TMEM131L: variants seen among roughly 807,000 people sequenced by gnomAD.
TMEM131L encodes the protein transmembrane protein 131-like.
A neutral mutation model predicts 192.2 loss-of-function variants in TMEM131L; 54 were observed. That is an observed-to-expected ratio of 0.28 (90% confidence interval 0.23 to 0.35). The LOEUF (loss-of-function observed/expected upper bound fraction) is 0.35, where lower values mean the gene tolerates loss of function less well. Among genes scored for constraint, TMEM131L ranks in the 10% least tolerant of loss-of-function variants. The pLI is 1.00. For missense variants in TMEM131L, 1,888 were observed against 1,972.9 expected, an observed-to-expected ratio of 0.96 and a Z score of 0.82; for synonymous variants, 701 against 704.9, an observed-to-expected ratio of 0.99 and a Z score of 0.09.
At chr4:153,607,856 C>T (rs995013570) in intron 25 of TMEM131L, among the ~76,000 whole-genome samples, 1 of 152,204 alleles carries the variant, frequency 6.6e-6, no homozygotes, top group Non-Finnish European at 1.5e-5. Context: ...ATTTGGGAGG[C>T]CGTGATGGGC....
chr4:153,476,072 C>T (rs1731516618), intron 3 of TMEM131L, among the ~76,000 whole-genome samples: 1 of 152,182 alleles, frequency 6.6e-6, no homozygotes, highest in Admixed American at 6.5e-5. Flanking sequence ...GATTCTCCTG[C>T]CTCAGCTTCC....
At chr4:153,526,947 T>A (rs866803990) in intron 3 of TMEM131L, among the ~76,000 whole-genome samples, 19 of 152,112 alleles carry the variant, frequency 1.2e-4, no homozygotes, top group African/African-American at 4.1e-4. Flanking sequence ...AGAGAGGGCC[T>A]GCATTTATTG....
chr4:153,552,979 G>A (rs1235510116), intron 4 of TMEM131L, among the ~76,000 whole-genome samples: 10 of 150,184 alleles, frequency 6.7e-5, no homozygotes, highest in African/African-American at 7.4e-5. Flanking sequence ...TTCAATCAAG[G>A]TTGGTTGAAT....
chr4:153,499,188 C>T (rs142376168), intron 3 of TMEM131L, among the ~76,000 whole-genome samples: 313 of 152,346 alleles, frequency 2.1e-3, no homozygotes, highest in African/African-American at 7.2e-3. Context: ...CGAGGCTGCG[C>T]CTTGTAACTT....
Position 153,584,886 on chromosome 4 carries a change from A to G in TMEM131L, c.1112A>G (p.His371Arg), listed in dbSNP as rs1730596796. 7 of 1,614,130 alleles carry G rather than the reference A, an allele frequency of 4.3e-6. No homozygotes were observed. The highest frequency in any genetic ancestry group is 1.1e-5 in the South Asian group (1 of 91,084). The change falls in exon 12 of 35, where the codon CAC becomes CGC. Residue 371 changes from histidine to arginine, a missense_variant. His to Arg is a conservative substitution (Grantham distance 29, BLOSUM62 0). Transcript: ENST00000409959. ...ATAGAAGATGTGAAGAAAACAACAC[A>G]CACTCCAACACTAAAAGCATGCCTC... Reference protein sequence around the residue: ...GIIEDVKKTTHTPTLKACLFS... With the variant: ...GIIEDVKKTTRTPTLKACLFS...
At chr4:153,527,581 G>GT (rs1385179090) in intron 3 of TMEM131L, among the ~76,000 whole-genome samples, 1 of 152,154 alleles carries the variant, frequency 6.6e-6, no homozygotes, top group Non-Finnish European at 1.5e-5. Flanking sequence ...CAAATCCTGA[G>GT]TTTCTTCTCG....
chr4:153,496,219 G>A (rs1295529438), intron 3 of TMEM131L, among the ~76,000 whole-genome samples: 1 of 152,180 alleles, frequency 6.6e-6, no homozygotes, highest in Non-Finnish European at 1.5e-5. Context: ...TACTTCACAG[G>A]CTGGTCCTAA....
chr4:153,528,575 CTT>C (rs1295589684), intron 3 of TMEM131L, among the ~76,000 whole-genome samples: 1 of 152,058 alleles, frequency 6.6e-6, no homozygotes, highest in Non-Finnish European at 1.5e-5. Context: ...GAGGAAATTG[CTT>C]TCTCACTTGC....
At chr4:153,615,140 A>G (rs1304040080) in intron 26 of TMEM131L, among the ~76,000 whole-genome samples, 1 of 152,198 alleles carries the variant, frequency 6.6e-6, no homozygotes, top group Non-Finnish European at 1.5e-5. Flanking sequence ...TTAACATTGC[A>G]TTTTTCTCCT....
intron 6 of TMEM131L, among the ~76,000 whole-genome samples, chr4:153,557,619 G>C (rs771716112): frequency 1.6e-4 from 25 of 152,164 alleles, no homozygotes; most frequent in Non-Finnish European, 2.8e-4. Context: ...AATGGTACCT[G>C]ATATGGCATT....
Position 153,581,463 on chromosome 4 carries a change from A to G in TMEM131L, c.795A>G (p.Thr265=). The G allele has an allele frequency of 1.3e-6, 2 of 1,598,596 alleles. No homozygotes were observed. Among genetic ancestry groups the G allele is most frequent in the Non-Finnish European group, 1.7e-6 (2 of 1,170,856 alleles). The change falls in exon 9 of 35, where the codon ACA becomes ACG. Residue 265 remains threonine (T), a synonymous_variant. Coordinates refer to ENST00000409959, the MANE Select transcript of TMEM131L (RefSeq NM_001131007.2). ...VLRLQMSIMV[T]MENFSKEFEE... ...GTCTACAAATGAGCATAATGGTAACAATGGAAAACTTTTCAAAAGAATTTG... is the reference window on the plus strand; with the variant it reads ...GTCTACAAATGAGCATAATGGTAACGATGGAAAACTTTTCAAAAGAATTTG...
intron 2 of TMEM131L, among the ~76,000 whole-genome samples, chr4:153,469,664 C>A (rs555585904): frequency 6.6e-6 from 1 of 152,100 alleles, no homozygotes; most frequent in Non-Finnish European, 1.5e-5. Context: ...TGGTGGCTCA[C>A]GTCTGTAATC....
intron 3 of TMEM131L, among the ~76,000 whole-genome samples, chr4:153,488,697 C>A (rs1038520681): frequency 6.6e-6 from 1 of 152,182 alleles, no homozygotes; most frequent in Non-Finnish European, 1.5e-5. Context: ...GGCTGTCTAA[C>A]GAAGTGCCAC....
At chr4:153,564,330 G>C (rs892396723) in intron 7 of TMEM131L, among the ~76,000 whole-genome samples, 3 of 141,538 alleles carry the variant, frequency 2.1e-5, no homozygotes, top group African/African-American at 7.8e-5. Flanking sequence ...AAGGGAGCTT[G>C]TATGCCCCTT....
At chr4:153,486,878 G>T (rs1732374545) in intron 3 of TMEM131L, among the ~76,000 whole-genome samples, 1 of 152,236 alleles carries the variant, frequency 6.6e-6, no homozygotes, top group Non-Finnish European at 1.5e-5. Context: ...AAGGGAATGG[G>T]CAGTGGGAAG....
In TMEM131L at chr4:153,551,136, G is replaced by C. The variant is rs532656311; in HGVS notation, c.308+995G>C. Among the ~76,000 whole-genome samples, 3 of 152,288 alleles carry C rather than the reference G, an allele frequency of 2.0e-5. No individual in the cohort carries two copies. The South Asian group carries it at 6.2e-4, about 32-fold the overall frequency. ...GTAGTTTCAAGAGCGAGAGGTAAAA[G>C]CACTGCTTGTTTCCGGGGCTGGCAA... On this transcript the variant is annotated intron_variant, in intron 4 of 34. Transcript: ENST00000409959.
intron 7 of TMEM131L, among the ~76,000 whole-genome samples, chr4:153,579,178 T>C (rs1299359831): frequency 1.3e-5 from 2 of 151,540 alleles, no homozygotes; most frequent in African/African-American, 2.4e-5. Context: ...CTGGGAAATA[T>C]GGTGAAGCTC....
intron 3 of TMEM131L, among the ~76,000 whole-genome samples, chr4:153,478,642 C>T (rs562478759): frequency 1.5e-4 from 23 of 152,064 alleles, no homozygotes; most frequent in Non-Finnish European, 2.9e-4. Context: ...TGAGCTTCAC[C>T]GACACAAATT....
intron 7 of TMEM131L, among the ~76,000 whole-genome samples, chr4:153,561,696 C>T (rs28665247): frequency 0.057 from 8,680 of 152,174 alleles, 690 homozygotes; most frequent in African/African-American, 0.17. Context: ...TAGATTCTCT[C>T]CTTCATTTTT....
Sources: gnomAD v4.1 joint callset for allele counts (sites outside exome capture counted in the v4.1 genomes callset) on GRCh38, gnomAD v4.1.1 for gene constraint, MANE v1.5 for transcripts, NCBI Gene and HGNC (gene_info 2026-07-23, HGNC 2026-07-21) for gene names.